CLSTN3: variants seen among roughly 807,000 people sequenced by gnomAD.
CLSTN3 encodes calsyntenin-3.
A neutral mutation model predicts 95.9 loss-of-function variants in CLSTN3; 36 were observed. The ratio of observed to expected loss-of-function variants is 0.38; its 90% CI spans 0.29 to 0.50. CLSTN3 has a LOEUF of 0.50. CLSTN3 is among the 20% of genes least tolerant of loss of function. The pLI, the probability that CLSTN3 is intolerant of heterozygous loss-of-function variation, is 0.95. For missense variants in CLSTN3, 1,084 were observed against 1,268.8 expected, an observed-to-expected ratio of 0.85 and a Z score of 2.21; for synonymous variants, 481 against 504.0, an observed-to-expected ratio of 0.95 and a Z score of 0.61.
intron 16 of CLSTN3, chr12:7,156,264 G>A: frequency 2.2e-6 from 1 of 456,914 alleles, no homozygotes; most frequent in Non-Finnish European, 4.4e-6. Context: ...GTGCGTGTGT[G>A]GGGTCTCTGC....
rs1939454686 is a variant in CLSTN3, at chr12:7,137,781, TGTGTGTGTGTGTGTGAGA to T, written c.1211-172_1211-155del. Among the ~76,000 whole-genome samples, 2 of 109,064 alleles carry T rather than the reference TGTGTGTGTGTGTGTGAGA, an allele frequency of 1.8e-5. 1 individual carries two copies. Among genetic ancestry groups the T allele is most frequent in the African/African-American group, 6.0e-5 (2 of 33,246 alleles). The allele number at this position is 109,064 out of a possible 152,430, so 71.6% of individuals were successfully genotyped here. ...ATGTGTGTGTGTGTGTGTGTGTGTG[TGTGTGTGTGTGTGTGAGA>T]GAGAGAGAGAGAGAGAGAGAGAGGA... On this transcript the variant is annotated intron_variant, in intron 7 of 17. Transcript: ENST00000266546. The surrounding 1 kb of genome is among the most constrained non-coding windows in gnomAD (Gnocchi z 4.4).
rs926953409 is a variant in CLSTN3, at chr12:7,149,391, C to A, written c.2075-132C>A. On this transcript the variant is annotated intron_variant, in intron 13 of 17. Coordinates refer to ENST00000266546, the MANE Select transcript of CLSTN3 (RefSeq NM_014718.4). The surrounding 1 kb of genome is among the most constrained non-coding windows in gnomAD (Gnocchi z 4.5). ...AAATGAATTGTTGCATAATGATATTCTTGAAAATGATGCTGACTTCCCTCT... is the reference window on the plus strand; with the variant it reads ...AAATGAATTGTTGCATAATGATATTATTGAAAATGATGCTGACTTCCCTCT... 3 of 949,556 alleles carry A rather than the reference C, an allele frequency of 3.2e-6. No homozygotes were observed. The African/African-American group carries it at 4.9e-5, about 16-fold the overall frequency. 58.8% of individuals were successfully genotyped at this position (949,556 alleles called of 1,614,324 possible).
At chr12:7,143,900 C>A (rs1220193478) in intron 12 of CLSTN3, among the ~76,000 whole-genome samples, 2 of 152,150 alleles carry the variant, frequency 1.3e-5, no homozygotes, top group Admixed American at 6.5e-5. Context: ...GGACAAAGAT[C>A]ATATGGCCCC....
At chr12:7,139,289 G>A (rs1939486360) in intron 8 of CLSTN3, among the ~76,000 whole-genome samples, 1 of 152,202 alleles carries the variant, frequency 6.6e-6, no homozygotes, top group South Asian at 2.1e-4. Flanking sequence ...GCCTTAGATT[G>A]GGTGCTCCTG....
rs950150931 is a variant in CLSTN3, at chr12:7,150,249, C to T, written c.2246-295C>T. 1.1e-4 allele frequency among the ~76,000 whole-genome samples: 17 copies of T among 152,190 alleles called. No homozygotes were observed. The highest frequency in any genetic ancestry group is 4.1e-4 in the African/African-American group (17 of 41,436). On this transcript the variant is annotated intron_variant, in intron 14 of 17. Transcript: ENST00000266546. The surrounding 1 kb of genome is among the most constrained non-coding windows in gnomAD (Gnocchi z 4.0). Reference sequence around the variant, plus strand: ...TATTTTCCTCTTTCTCATATTCCCTCCTGCTTGCCATCTCCCTTTCTGTCT... The same window carrying T: ...TATTTTCCTCTTTCTCATATTCCCTTCTGCTTGCCATCTCCCTTTCTGTCT...
chr12:7,144,601 A>G (rs1453571326), intron 12 of CLSTN3, among the ~76,000 whole-genome samples: 1 of 152,192 alleles, frequency 6.6e-6, no homozygotes, highest in African/African-American at 2.4e-5. Context: ...GGCGGTTTTT[A>G]GGAGATACTG....
In CLSTN3 at chr12:7,133,284, T is replaced by G; in HGVS notation, c.187+138T>G. 6.6e-5 allele frequency: 66 copies of G among 996,078 alleles called. No individual in the cohort carries two copies. The highest frequency in any genetic ancestry group is 8.6e-5 in the Non-Finnish European group (58 of 671,974). The allele number at this position is 996,078 out of a possible 1,614,324, so 61.7% of individuals were successfully genotyped here. A position where few individuals can be genotyped will look rare whatever the true frequency, so the allele number is the denominator to read the frequency against. ...ATAAAAGTGGGCTCAAGGAGGGGAATGGTCTCCACTGAAGAATGGAGATTG... is the reference window on the plus strand; with the variant it reads ...ATAAAAGTGGGCTCAAGGAGGGGAAGGGTCTCCACTGAAGAATGGAGATTG... On this transcript the variant is annotated intron_variant, in intron 2 of 17. Coordinates refer to ENST00000266546, the MANE Select transcript of CLSTN3 (RefSeq NM_014718.4). The surrounding 1 kb of genome is among the most constrained non-coding windows in gnomAD (Gnocchi z 4.7).
At chr12:7,136,805 T>G (rs1271778373) in intron 6 of CLSTN3, 24 bp from the exon 7 acceptor site, 1 of 1,610,234 alleles carries the variant, frequency 6.2e-7, no homozygotes, top group Non-Finnish European at 8.5e-7. Flanking sequence ...GCTCTGACAC[T>G]TGTGCCTCCT....
At chr12:7,131,503 T>A in intron 1 of CLSTN3, 1 of 308,186 alleles carries the variant, frequency 3.2e-6, no homozygotes. Context: ...AGGGTAAAGG[T>A]GGAGGCAGAA....
chr12:7,147,010 T>G (rs1939631233), intron 12 of CLSTN3, among the ~76,000 whole-genome samples: 1 of 152,160 alleles, frequency 6.6e-6, no homozygotes. Flanking sequence ...AGATGATGCC[T>G]TCTCCCTTTT....
chr12:7,152,891 C>T (rs1939748296), intron 16 of CLSTN3, among the ~76,000 whole-genome samples: 1 of 152,170 alleles, frequency 6.6e-6, no homozygotes, highest in Admixed American at 6.5e-5. Flanking sequence ...TGTGCACTAA[C>T]CATGGCCCTC....
rs916080777 is a variant in CLSTN3, at chr12:7,141,574, G to A, written c.1486+170G>A. ...GGGAAGGGACCACAGCCTCCCTCCC[G>A]TATCTCCCACTAATCCAATGGGTCA... On this transcript the variant is annotated intron_variant, in intron 9 of 17. Transcript: ENST00000266546. This position sits in a 1 kb window ranked among gnomAD's most constrained non-coding sequence, Gnocchi z 4.1. 6.6e-6 allele frequency among the ~76,000 whole-genome samples: 1 copy of A among 152,146 alleles called. No individual in the cohort carries two copies. Among genetic ancestry groups the A allele is most frequent in the Non-Finnish European group, 1.5e-5 (1 of 68,028 alleles).
chr12:7,158,220 A>T lies in CLSTN3; in HGVS notation c.*139A>T. On this transcript the variant is annotated 3_prime_UTR_variant, in exon 18 of 18. Coordinates refer to ENST00000266546, the MANE Select transcript of CLSTN3 (RefSeq NM_014718.4). ...GAACCAGTCCTCCTTTCATTTCAAA[A>T]CCCCAGCGGGCCCTCTGGAGTCCGC... 1 of 1,078,508 alleles carries T rather than the reference A, an allele frequency of 9.3e-7. No homozygotes were observed. Among genetic ancestry groups the T allele is most frequent in the Non-Finnish European group, 1.3e-6 (1 of 798,286 alleles). 66.8% of individuals were successfully genotyped at this position (1,078,508 alleles called of 1,614,324 possible).
intron 8 of CLSTN3, among the ~76,000 whole-genome samples, chr12:7,140,797 C>T (rs1021598577): frequency 7.2e-5 from 11 of 152,148 alleles, no homozygotes; most frequent in African/African-American, 2.7e-4. Flanking sequence ...GTCCCAGCTA[C>T]CCCAGAGGCT....
chr12:7,139,659 T>A (rs61676470), intron 8 of CLSTN3, among the ~76,000 whole-genome samples: 5,073 of 148,040 alleles, frequency 0.034, 181 homozygotes, highest in East Asian at 0.14. Flanking sequence ...TATTATTATT[T>A]TTTTTTTTGA....
rs768487238 is a variant in CLSTN3 at position 7,137,795 on chromosome 12, T to TGTGTGTGTGTGTGAGAGA, written c.1211-159_1211-158insTGTGTGTGTGTGAGAGAG. On this transcript the variant is annotated intron_variant, in intron 7 of 17. Coordinates refer to ENST00000266546, the MANE Select transcript of CLSTN3 (RefSeq NM_014718.4). The surrounding 1 kb of genome is among the most constrained non-coding windows in gnomAD (Gnocchi z 4.4). ...GTGTGTGTGTGTGTGTGTGTGTGTG[T>TGTGTGTGTGTGTGAGAGA]GAGAGAGAGAGAGAGAGAGAGAGAG... Among the ~76,000 whole-genome samples the TGTGTGTGTGTGTGAGAGA allele has an allele frequency of 1.3e-4, 9 of 70,674 alleles. No homozygotes were observed. Among genetic ancestry groups the TGTGTGTGTGTGTGAGAGA allele is most frequent in the East Asian group, 5.3e-4 (1 of 1,882 alleles). The allele number at this position is 70,674 out of a possible 152,430, so 46.4% of individuals were successfully genotyped here. A position where few individuals can be genotyped will look rare whatever the true frequency, so the allele number is the denominator to read the frequency against.
intron 8 of CLSTN3, among the ~76,000 whole-genome samples, chr12:7,138,346 C>G (rs964552030): frequency 6.6e-6 from 1 of 152,062 alleles, no homozygotes; most frequent in Non-Finnish European, 1.5e-5. Context: ...GTTTTATTCT[C>G]TCTCTCTCTT....
rs371197435 is a variant in CLSTN3 at position 7,136,340 on chromosome 12, A to G, written c.877A>G (p.Lys293Glu). 2 of 1,614,070 alleles carry G rather than the reference A, an allele frequency of 1.2e-6. No individual in the cohort carries two copies. The highest frequency in any genetic ancestry group is 1.7e-6 in the Non-Finnish European group (2 of 1,180,032). The change falls in exon 6 of 18, where the codon AAG becomes GAG. Residue 293 changes from lysine (K) to glutamate (E), a missense_variant. Coordinates refer to ENST00000266546, the MANE Select transcript of CLSTN3 (RefSeq NM_014718.4). ...TIELQTSHVAKGCDRDNYSER... is the reference protein window; with the variant it reads ...TIELQTSHVAEGCDRDNYSER... ...AGAGCTGCAGACCAGCCATGTGGCC[A>G]AGGGCTGTGACCGTGACAACTACTC... is the stretch of plus-strand genomic sequence containing the variant.
intron 16 of CLSTN3, among the ~76,000 whole-genome samples, chr12:7,155,310 C>T (rs1227340654): frequency 3.3e-5 from 5 of 152,244 alleles, no homozygotes; most frequent in Admixed American, 3.3e-4. Context: ...ATTAACCAGA[C>T]TTGTTTGCTT....
Sources: allele counts gnomAD v4.1 joint callset (sites outside exome capture counted in the v4.1 genomes callset), GRCh38; gene constraint gnomAD v4.1.1; non-coding constraint Gnocchi (gnomAD v3.1); transcripts MANE v1.5; gene names NCBI Gene and HGNC (gene_info 2026-07-23, HGNC 2026-07-21).